Variants in TIGAR observed in about 807,000 individuals in gnomAD.
The protein encoded by TIGAR is fructose-2,6-bisphosphatase TIGAR.
A neutral mutation model predicts 17.9 loss-of-function variants in TIGAR; 7 were observed. That is an observed-to-expected ratio of 0.39 (90% CI 0.22 to 0.73). The LOEUF (loss-of-function observed/expected upper bound fraction) is 0.73, where lower values mean the gene tolerates loss of function less well. TIGAR is among the 30% of genes least tolerant of loss of function. TIGAR has a pLI of 0.42. For synonymous variants in TIGAR, 94 were observed against 108.6 expected (o/e 0.87, Z 0.84); for missense variants, 258 against 327.4 (o/e 0.79, Z 1.64).
intron 3 of TIGAR, among the ~76,000 whole-genome samples, chr12:4,342,994 C>T (rs1864741067): frequency 6.6e-6 from 1 of 152,138 alleles, no homozygotes; most frequent in Non-Finnish European, 1.5e-5. Flanking sequence ...GGAAATCCGT[C>T]TCACATGCAG....
chr12:4,345,277 C>G (rs1217789506), intron 3 of TIGAR, among the ~76,000 whole-genome samples: 2 of 152,226 alleles, frequency 1.3e-5, no homozygotes, highest in East Asian at 3.9e-4. Context: ...TCATATGGAA[C>G]CAAAAAAGAG....
rs1331899700 is a variant in TIGAR, at chr12:4,359,527, T to C, written c.*6836T>C. Among the ~76,000 whole-genome samples, 2 of 152,136 alleles carry C rather than the reference T, an allele frequency of 1.3e-5. No individual in the cohort carries two copies. The highest frequency in any genetic ancestry group is 2.9e-5 in the Non-Finnish European group (2 of 68,018). On this transcript the variant is annotated 3_prime_UTR_variant, in exon 6 of 6. Transcript: ENST00000179259. ...CAAGATCTCGGTGCCAGGGTGCTCA[T>C]TGCTAATAGTGCCTTTAAAAAAATT... is the stretch of plus-strand genomic sequence containing the variant.
intron 3 of TIGAR, among the ~76,000 whole-genome samples, chr12:4,344,236 T>C (rs1039932711): frequency 1.3e-5 from 2 of 152,150 alleles, no homozygotes; most frequent in Non-Finnish European, 2.9e-5. Flanking sequence ...CAATAATTAA[T>C]AGCTTACCAA....
rs540841482 is a variant in TIGAR at position 4,341,953 on chromosome 12, G to T, written c.192+4793G>T. ...AGACTTCTCTGAGCTAAAGGAGGAA[G>T]TTCGAACCCATTGCAAAGAAGTTAA... On this transcript the variant is annotated intron_variant, in intron 3 of 5. Coordinates refer to ENST00000179259, the MANE Select transcript of TIGAR (RefSeq NM_020375.3). 3.3e-5 allele frequency among the ~76,000 whole-genome samples: 5 copies of T among 152,310 alleles called. No homozygotes were observed. In the East Asian group the frequency reaches 9.6e-4, roughly 29 times the overall value.
At chr12:4,324,735 TCCCG>T in intron 1 of TIGAR, 2 of 388,072 alleles carry the variant, frequency 5.2e-6, no homozygotes, top group Non-Finnish European at 5.0e-6. Context: ...ACACGTCCCG[TCCCG>T]CAGCTGGTCC....
chr12:4,321,330 T>TTC lies in TIGAR; in HGVS notation c.32+37_32+38dup, dbSNP rs761210837. On this transcript the variant is annotated intron_variant, in intron 1 of 5. Transcript: ENST00000179259. This position sits in a 1 kb window ranked among gnomAD's most constrained non-coding sequence, Gnocchi z 5.2. ...TGAGTATGGCTGTGGCAGGATGTCT[T>TTC]TCTCTCTCTCTTCCTTGAGTGTGTT... The TTC allele has an allele frequency of 6.9e-6, 11 of 1,600,192 alleles. No homozygotes were observed. In the Middle Eastern group the frequency reaches 5.0e-4, roughly 72 times the overall value.
rs1433477859 is a variant in TIGAR at position 4,354,395 on chromosome 12, T to C, written c.*1704T>C. ...AAGAAACAAAACATAAAGATAAAAG[T>C]AGAGTTCTCTTTAACCAGCTCTCAC... is the stretch of plus-strand genomic sequence containing the variant. On this transcript the variant is annotated 3_prime_UTR_variant, in exon 6 of 6. Transcript: ENST00000179259. The C allele has an allele frequency of 6.6e-6, 1 of 152,128 alleles. No individual in the cohort carries two copies. Among genetic ancestry groups the C allele is most frequent in the Non-Finnish European group, 1.5e-5 (1 of 68,024 alleles). 9.4% of individuals were successfully genotyped at this position (152,128 alleles called of 1,614,324 possible). A position where few individuals can be genotyped will look rare whatever the true frequency, so the allele number is the denominator to read the frequency against.
rs1416099600 is a variant in TIGAR, at chr12:4,357,053, A to T, written c.*4362A>T. 1.3e-5 allele frequency among the ~76,000 whole-genome samples: 2 copies of T among 152,176 alleles called. No individual in the cohort carries two copies. Among genetic ancestry groups the T allele is most frequent in the African/African-American group, 4.8e-5 (2 of 41,432 alleles). ...TTCTAATTTCTTTAAATGCTATGTC[A>T]TACTCAGCAAGGACATGCTCATATT... On this transcript the variant is annotated 3_prime_UTR_variant, in exon 6 of 6. Coordinates refer to ENST00000179259, the MANE Select transcript of TIGAR (RefSeq NM_020375.3).
intron 1 of TIGAR, 75 bp from the exon 2 acceptor site, chr12:4,331,205 G>C (rs1196009942): frequency 2.3e-6 from 3 of 1,306,700 alleles, no homozygotes; most frequent in East Asian, 2.3e-5. Context: ...CACCACACTT[G>C]ATTGCTCATT....
chr12:4,324,966 G>A lies in TIGAR; in HGVS notation c.32+3663G>A, dbSNP rs1192521852. ...GCTTTTTTTTTTTTTTGACGAAACG[G>A]AGTTTCACTCTTGTCACCCAGGTTG... On this transcript the variant is annotated intron_variant, in intron 1 of 5. Coordinates refer to ENST00000179259, the MANE Select transcript of TIGAR (RefSeq NM_020375.3). 2.9e-5 allele frequency among the ~76,000 whole-genome samples: 4 copies of A among 138,362 alleles called. No homozygotes were observed. The South Asian group carries it at 6.9e-4, about 24-fold the overall frequency. 90.8% of individuals were successfully genotyped at this position (138,362 alleles called of 152,430 possible).
At chr12:4,327,371 T>C (rs893288794) in intron 1 of TIGAR, among the ~76,000 whole-genome samples, 1 of 146,862 alleles carries the variant, frequency 6.8e-6, no homozygotes, top group Non-Finnish European at 1.5e-5. Flanking sequence ...ATCACACCAC[T>C]GCACTCCAGC....
Position 4,357,914 on chromosome 12 carries a change from TA to T in TIGAR, c.*5225del, listed in dbSNP as rs977958668. On this transcript the variant is annotated 3_prime_UTR_variant, in exon 6 of 6. Transcript: ENST00000179259. ...GTCAGGAGATAGAGACCATCCTGGC[TA>T]ACACAGTGAAACCTCGTCTCCACTG... Among the ~76,000 whole-genome samples, 88 of 150,970 alleles carry T rather than the reference TA, an allele frequency of 5.8e-4. No individual in the cohort carries two copies. Among genetic ancestry groups the T allele is most frequent in the African/African-American group, 2.0e-3 (83 of 41,046 alleles).
chr12:4,332,231 T>C (rs1009239286), intron 2 of TIGAR, among the ~76,000 whole-genome samples: 1 of 142,706 alleles, frequency 7.0e-6, no homozygotes, highest in Non-Finnish European at 1.5e-5. Context: ...TCAAGGCTCA[T>C]GTATTTCTTT....
At chr12:4,352,107 T>G (rs1864843005) in intron 5 of TIGAR, among the ~76,000 whole-genome samples, 153 bp from the exon 6 acceptor site, 1 of 152,188 alleles carries the variant, frequency 6.6e-6, no homozygotes, top group Admixed American at 6.5e-5. Context: ...AAACTACTGA[T>G]TGAACGAATA....
intron 1 of TIGAR, among the ~76,000 whole-genome samples, chr12:4,328,591 T>TC (rs1864571040): frequency 6.6e-6 from 1 of 151,516 alleles, no homozygotes; most frequent in Admixed American, 6.6e-5. Context: ...TTTTTTTTTT[T>TC]TTGGAGACAG....
chr12:4,324,280 G>A, intron 1 of TIGAR: 3 of 643,592 alleles, frequency 4.7e-6, no homozygotes, highest in Non-Finnish European at 8.3e-6. Flanking sequence ...GAATGTTGTA[G>A]GTGTTTGCAG....
intron 3 of TIGAR, among the ~76,000 whole-genome samples, chr12:4,345,810 G>A (rs968344415): frequency 1.4e-4 from 22 of 152,150 alleles, no homozygotes; most frequent in Admixed American, 5.9e-4. Flanking sequence ...ACTACCATCA[G>A]AGTGAACAGG....
intron 2 of TIGAR, among the ~76,000 whole-genome samples, chr12:4,332,483 A>G (rs1864614552): frequency 6.6e-6 from 1 of 151,990 alleles, no homozygotes; most frequent in Non-Finnish European, 1.5e-5. Context: ...ACCTCAGTTG[A>G]TATGCCTGCC....
rs1864906347 is a variant in TIGAR at position 4,356,707 on chromosome 12, C to T, written c.*4016C>T. Among the ~76,000 whole-genome samples the T allele has an allele frequency of 6.6e-6, 1 of 152,204 alleles. No homozygotes were observed. Among genetic ancestry groups the T allele is most frequent in the Admixed American group, 6.5e-5 (1 of 15,280 alleles). On this transcript the variant is annotated 3_prime_UTR_variant, in exon 6 of 6. Coordinates refer to ENST00000179259, the MANE Select transcript of TIGAR (RefSeq NM_020375.3). ...TATAGTATCATGCAGAGTATTTTCACTGCCCTAAAAGTCCTCTGTGTTCCC... is the reference window on the plus strand; with the variant it reads ...TATAGTATCATGCAGAGTATTTTCATTGCCCTAAAAGTCCTCTGTGTTCCC...
Sources: gnomAD v4.1 joint callset for allele counts (sites outside exome capture counted in the v4.1 genomes callset) on GRCh38, gnomAD v4.1.1 for gene constraint, Gnocchi (gnomAD v3.1) non-coding constraint, MANE v1.5 for transcripts, NCBI Gene and HGNC (gene_info 2026-07-23, HGNC 2026-07-21) for gene names.